The following NEK11 variants were observed in gnomAD, a reference collection of about 807,000 sequenced individuals.
NEK11 encodes serine/threonine-protein kinase Nek11.
NEK11 carries 72 observed loss-of-function variants against 80.7 expected under a neutral mutation model. The ratio of observed to expected loss-of-function variants is 0.89; its 90% CI spans 0.74 to 1.08. The LOEUF (loss-of-function observed/expected upper bound fraction) is 1.08, where lower values mean the gene tolerates loss of function less well. Ranked by LOEUF, NEK11 falls within the 50% of genes least tolerant of loss-of-function variation. NEK11 has a pLI of 0.00. For missense variants in NEK11, 764 were observed against 763.6 expected (o/e 1.00, Z -0.01); for synonymous variants, 251 against 260.7 (o/e 0.96, Z 0.36).
chr3:131,066,323 T>C (rs1461872107), intron 3 of NEK11, among the ~76,000 whole-genome samples: 1 of 152,188 alleles, frequency 6.6e-6, no homozygotes, highest in Non-Finnish European at 1.5e-5. Context: ...TTTTGAAAAA[T>C]ACTGCTCATA....
intron 12 of NEK11, among the ~76,000 whole-genome samples, chr3:131,168,057 C>T (rs1035327895): frequency 6.6e-6 from 1 of 152,218 alleles, no homozygotes; most frequent in Non-Finnish European, 1.5e-5. Context: ...GGTTCAGGCC[C>T]ACAGACTGGA....
At chr3:131,234,022 A>G (rs747276054) in intron 15 of NEK11, among the ~76,000 whole-genome samples, 1 of 152,238 alleles carries the variant, frequency 6.6e-6, no homozygotes, top group Non-Finnish European at 1.5e-5. Context: ...CTGCACAACA[A>G]TTAGAATTGC....
intron 5 of NEK11, among the ~76,000 whole-genome samples, chr3:131,115,904 T>C: frequency 3.4e-5 from 1 of 29,828 alleles, no homozygotes; most frequent in Middle Eastern, 0.017. Context: ...AGGTAGTGTT[T>C]TCTTTCTTTC....
intron 13 of NEK11, 27 bp downstream of exon 13, chr3:131,168,964 A>G (rs2092479697): frequency 2.6e-6 from 4 of 1,560,644 alleles, no homozygotes; most frequent in Admixed American, 1.7e-5. Flanking sequence ...TCACAAGCAC[A>G]AAAGTGAGGC....
At chr3:131,166,546 C>T (rs1334954528) in intron 12 of NEK11, among the ~76,000 whole-genome samples, 1 of 152,186 alleles carries the variant, frequency 6.6e-6, no homozygotes, top group Non-Finnish European at 1.5e-5. Flanking sequence ...GGCCTAGCTT[C>T]CTCTAATTTC....
intron 4 of NEK11, among the ~76,000 whole-genome samples, chr3:131,109,172 T>G (rs1337878174): frequency 6.6e-6 from 1 of 152,080 alleles, no homozygotes; most frequent in Non-Finnish European, 1.5e-5. Context: ...GTGATATCAT[T>G]AAAGCATTTA....
chr3:131,154,895 A>T, intron 9 of NEK11, 141 bp from the exon 10 acceptor site: 3 of 575,076 alleles, frequency 5.2e-6, no homozygotes, highest in Non-Finnish European at 9.4e-6. Context: ...TACATAACCC[A>T]GGGAAAACTA....
intron 3 of NEK11, among the ~76,000 whole-genome samples, chr3:131,052,090 C>T (rs563720929): frequency 6.6e-6 from 1 of 150,508 alleles, no homozygotes; most frequent in South Asian, 2.1e-4. Context: ...TATTTTTCCC[C>T]TTTCTGATAA....
At chr3:131,312,693 T>C (rs1470498172) in intron 17 of NEK11, among the ~76,000 whole-genome samples, 2 of 152,144 alleles carry the variant, frequency 1.3e-5, no homozygotes, top group African/African-American at 4.8e-5. Flanking sequence ...TGATCCCTAC[T>C]AATCTAGAAT....
chr3:131,300,525 A>C (rs1256613954), intron 17 of NEK11, among the ~76,000 whole-genome samples: 1 of 152,138 alleles, frequency 6.6e-6, no homozygotes, highest in Non-Finnish European at 1.5e-5. Context: ...TTTACATTTA[A>C]GTCTTTAATC....
intron 3 of NEK11, among the ~76,000 whole-genome samples, chr3:131,073,292 C>G (rs1577853203): frequency 1.3e-5 from 2 of 152,276 alleles, no homozygotes; most frequent in East Asian, 3.9e-4. Context: ...CCACCTACTC[C>G]TAGAATTTTT....
intron 17 of NEK11, among the ~76,000 whole-genome samples, chr3:131,347,647 C>T (rs539315995): frequency 3.3e-5 from 5 of 152,268 alleles, no homozygotes; most frequent in South Asian, 2.1e-4. Context: ...AGGCCGGACA[C>T]GGTGGCTCAC....
chr3:131,068,236 T>C (rs561883829), intron 3 of NEK11, among the ~76,000 whole-genome samples: 1 of 152,286 alleles, frequency 6.6e-6, no homozygotes, highest in African/African-American at 2.4e-5. Flanking sequence ...TCAGCCTTGC[T>C]ACTCAAAGTA....
intron 17 of NEK11, among the ~76,000 whole-genome samples, chr3:131,343,340 T>G (rs2097313945): frequency 6.6e-6 from 1 of 152,072 alleles, no homozygotes; most frequent in Non-Finnish European, 1.5e-5. Flanking sequence ...TTGTCTTTGA[T>G]AGGAGCAGGG....
intron 14 of NEK11, among the ~76,000 whole-genome samples, chr3:131,178,724 G>A (rs1040734810): frequency 2.6e-5 from 4 of 152,144 alleles, no homozygotes; most frequent in African/African-American, 9.7e-5. Context: ...TAATAGTATA[G>A]TATAGTAAAT....
In NEK11 at chr3:131,133,934, T is replaced by C; in HGVS notation, c.625T>C (p.Tyr209His). 1 of 1,610,484 alleles carries C rather than the reference T, an allele frequency of 6.2e-7. No individual in the cohort carries two copies. Among genetic ancestry groups the C allele is most frequent in the Non-Finnish European group, 8.5e-7 (1 of 1,177,968 alleles). The change falls in exon 7 of 18, where the codon TAT becomes CAT. Residue 209 changes from tyrosine to histidine, a missense_variant. Tyr to His is a moderately conservative substitution (Grantham distance 83). Coordinates refer to ENST00000383366, the MANE Select transcript of NEK11 (RefSeq NM_024800.5). The part of the protein sequence containing the change: ...MSPEALKHQG[Y>H]DTKSDIWSLA... ...TCCTGAGGCTCTGAAACACCAAGGC[T>C]ATGACACAAAGTCGGACATCTGGTG...
rs115238376 is a variant in NEK11, at chr3:131,072,673, A to T, written c.171-7750A>T. ...TGACCCAAGGCATCCTTGGTTGTAA[A>T]GAGAACTTTTAGAGAAGTAAATAGA... On this transcript the variant is annotated intron_variant, in intron 3 of 17. Transcript: ENST00000383366. 5.3e-3 allele frequency among the ~76,000 whole-genome samples: 802 copies of T among 152,306 alleles called. 7 individuals are homozygous for T. Among genetic ancestry groups the T allele is most frequent in the African/African-American group, 0.018 (740 of 41,570 alleles).
Position 131,288,547 on chromosome 3 carries a change from G to T in NEK11, c.1718+14973G>T, listed in dbSNP as rs558732771. Among the ~76,000 whole-genome samples the T allele has an allele frequency of 6.0e-5, 9 of 149,710 alleles. No homozygotes were observed. The South Asian group carries it at 1.9e-3, about 32-fold the overall frequency. The stretch of plus-strand genomic sequence containing the variant: ...GGCTCACCACAGCCTCCGCCTCCCA[G>T]GTTCAAGCGATTCTCCTGCCTCAGC... On this transcript the variant is annotated intron_variant, in intron 17 of 17. Transcript: ENST00000383366.
chr3:131,080,838 G>T (rs910650985), intron 4 of NEK11, among the ~76,000 whole-genome samples: 1 of 152,126 alleles, frequency 6.6e-6, no homozygotes, highest in Non-Finnish European at 1.5e-5. Context: ...GGCCAGGTGT[G>T]GTGGCTCATA....
Sources: allele counts gnomAD v4.1 joint callset (sites outside exome capture counted in the v4.1 genomes callset), GRCh38; gene constraint gnomAD v4.1.1; transcripts MANE v1.5; gene names NCBI Gene and HGNC (gene_info 2026-07-23, HGNC 2026-07-21).